PACRG: variants seen among roughly 807,000 people sequenced by gnomAD.
PACRG encodes parkin coregulated, also known as parkin coregulated gene protein.
In PACRG, 29 loss-of-function variants were observed where a neutral mutation model predicts 29.7. The observed-to-expected ratio is 0.98, with a 90% CI of 0.73 to 1.33. PACRG has a LOEUF of 1.33. Ranked by LOEUF, PACRG falls within the 40% of genes most tolerant of loss-of-function variation. PACRG has a pLI of 0.00. For missense variants in PACRG, 279 were observed against 316.2 expected, an observed-to-expected ratio of 0.88 and a Z score of 0.89; for synonymous variants, 116 against 118.7, an observed-to-expected ratio of 0.98 and a Z score of 0.15.
chr6:162,768,059 C>A (rs1201273900), intron 1 of PACRG, among the ~76,000 whole-genome samples: 1 of 152,138 alleles, frequency 6.6e-6, no homozygotes, highest in African/African-American at 2.4e-5. Context: ...AGATGTTTAG[C>A]ATTGTATTTG....
At chr6:162,958,884 T>TAGAGAG (rs200270873) in intron 2 of PACRG, among the ~76,000 whole-genome samples, 19 of 21,164 alleles carry the variant, frequency 9.0e-4, no homozygotes, top group Non-Finnish European at 1.4e-3. Context: ...TATATATATA[T>TAGAGAG]AGAGAGAGAG....
At chr6:162,998,110 T>C (rs1307582115) in intron 2 of PACRG, among the ~76,000 whole-genome samples, 1 of 152,228 alleles carries the variant, frequency 6.6e-6, no homozygotes, top group East Asian at 1.9e-4. Flanking sequence ...CACATGGAAC[T>C]CTGTTCCGCT....
At chr6:163,139,508 G>C (rs1340131805) in intron 4 of PACRG, among the ~76,000 whole-genome samples, 1 of 152,110 alleles carries the variant, frequency 6.6e-6, no homozygotes, top group Admixed American at 6.5e-5. Flanking sequence ...CTGTCTAATG[G>C]GTATCTGTTT....
At chr6:163,308,822 T>C (rs1785292768) in intron 4 of PACRG, among the ~76,000 whole-genome samples, 1 of 152,142 alleles carries the variant, frequency 6.6e-6, no homozygotes, top group African/African-American at 2.4e-5. Flanking sequence ...GCTTTCTCTC[T>C]CACCACAGCG....
intron 4 of PACRG, among the ~76,000 whole-genome samples, chr6:163,283,379 G>T (rs894339206): frequency 1.3e-5 from 2 of 152,214 alleles, no homozygotes; most frequent in African/African-American, 2.4e-5. Flanking sequence ...TATCCAAAAA[G>T]ATTGGAACTA....
intron 3 of PACRG, among the ~76,000 whole-genome samples, chr6:163,078,149 G>A (rs1337183744): frequency 6.6e-6 from 1 of 152,126 alleles, no homozygotes; most frequent in African/African-American, 2.4e-5. Context: ...CAACTCTACC[G>A]CATAACTGCT....
At position 162,881,196 on chromosome 6, in the gene PACRG, C is replaced by T. The variant is rs888568778; in HGVS notation, c.291+66915C>T. Among the ~76,000 whole-genome samples the T allele has an allele frequency of 3.9e-5, 6 of 152,264 alleles. No individual in the cohort carries two copies. The East Asian group carries it at 9.7e-4, about 25-fold the overall frequency. ...GAAGTGTTTATAAACTTTAAACGAC[C>T]TGGCAGTTTTGGCTGAGAGCCTTAC... On this transcript the variant is annotated intron_variant, in intron 2 of 4. Coordinates refer to ENST00000366888, the MANE Select transcript of PACRG (RefSeq NM_001080379.2).
chr6:162,882,221 A>G (rs749898612), intron 2 of PACRG, among the ~76,000 whole-genome samples: 2 of 146,584 alleles, frequency 1.4e-5, no homozygotes, highest in African/African-American at 2.5e-5. Flanking sequence ...AAGACCAGAG[A>G]CAGTGGGGTG....
chr6:163,072,208 C>G (rs1812128790), intron 3 of PACRG, among the ~76,000 whole-genome samples: 1 of 151,820 alleles, frequency 6.6e-6, no homozygotes, highest in Non-Finnish European at 1.5e-5. Context: ...AAAATACTAG[C>G]AAACTGAATT....
intron 2 of PACRG, among the ~76,000 whole-genome samples, chr6:162,909,295 C>T (rs998344785): frequency 9.2e-5 from 14 of 152,106 alleles, no homozygotes; most frequent in African/African-American, 3.4e-4. Context: ...GGGGCTCATG[C>T]CTGTAATCCC....
At chr6:162,924,383 T>C (rs1046687435) in intron 2 of PACRG, among the ~76,000 whole-genome samples, 1 of 152,098 alleles carries the variant, frequency 6.6e-6, no homozygotes, top group African/African-American at 2.4e-5. Context: ...CTTTATTTCT[T>C]TATCTTGCGT....
intron 1 of PACRG, among the ~76,000 whole-genome samples, chr6:162,799,830 A>T (rs2128339045): frequency 6.6e-6 from 1 of 152,294 alleles, no homozygotes; most frequent in South Asian, 2.1e-4. Context: ...CAAAAATAAC[A>T]TTTTTTACTC....
intron 2 of PACRG, among the ~76,000 whole-genome samples, chr6:163,004,701 A>AGTGTGTGTGTGTGTGTGTGT (rs374627693): frequency 8.4e-5 from 11 of 131,504 alleles, no homozygotes; most frequent in African/African-American, 3.4e-4. Flanking sequence ...ACAAAGTTCT[A>AGTGTGTGTGTGTGTGTGTGT]GTGTGTGTGT....
chr6:163,235,279 C>T (rs545545948), intron 4 of PACRG, among the ~76,000 whole-genome samples: 1 of 152,148 alleles, frequency 6.6e-6, no homozygotes, highest in Non-Finnish European at 1.5e-5. Flanking sequence ...AATGATAATC[C>T]TGAAGCATAT....
At chr6:163,281,061 T>C (rs1486570442) in intron 4 of PACRG, among the ~76,000 whole-genome samples, 1 of 152,050 alleles carries the variant, frequency 6.6e-6, no homozygotes, top group Non-Finnish European at 1.5e-5. Context: ...TGGGTAGGCT[T>C]TGTGCATCCG....
intron 4 of PACRG, among the ~76,000 whole-genome samples, chr6:163,275,955 C>T (rs1039243123): frequency 2.0e-5 from 3 of 151,876 alleles, no homozygotes; most frequent in Non-Finnish European, 4.4e-5. Flanking sequence ...AGGTGATGTG[C>T]GAAGAGTATT....
At chr6:163,217,874 CA>C (rs1032191438) in intron 4 of PACRG, among the ~76,000 whole-genome samples, 62 of 151,930 alleles carry the variant, frequency 4.1e-4, no homozygotes, top group African/African-American at 1.5e-3. Flanking sequence ...TTAGGGCCCC[CA>C]CTGATTTTAC....
At chr6:163,300,493 C>G (rs575442347) in intron 4 of PACRG, among the ~76,000 whole-genome samples, 1 of 152,324 alleles carries the variant, frequency 6.6e-6, no homozygotes, top group East Asian at 1.9e-4. Flanking sequence ...TCACTCTCTT[C>G]CTGCAGGGAA....
intron 4 of PACRG, among the ~76,000 whole-genome samples, chr6:163,290,801 T>C (rs2128186968): frequency 6.6e-6 from 1 of 152,284 alleles, no homozygotes; most frequent in South Asian, 2.1e-4. Flanking sequence ...AATGGTCACT[T>C]AAAAATGTCC....
Sources: allele counts gnomAD v4.1 joint callset (sites outside exome capture counted in the v4.1 genomes callset), GRCh38; gene constraint gnomAD v4.1.1; transcripts MANE v1.5; gene names NCBI Gene and HGNC (gene_info 2026-07-23, HGNC 2026-07-21).